CCDC88A: variants seen among roughly 807,000 people sequenced by gnomAD.
The protein encoded by CCDC88A is coiled-coil and HOOK domain protein 88A.
In CCDC88A, 54 loss-of-function variants were observed where a neutral mutation model predicts 234.3. The ratio of observed to expected loss-of-function variants is 0.23; its 90% CI spans 0.19 to 0.29. The LOEUF (loss-of-function observed/expected upper bound fraction) is 0.29. Among genes scored for constraint, CCDC88A ranks in the 10% least tolerant of loss-of-function variants. The pLI is 1.00. For synonymous variants in CCDC88A, 753 were observed against 737.8 expected, an observed-to-expected ratio of 1.02 and a Z score of -0.33; for missense variants, 1,832 against 2,123.4, an observed-to-expected ratio of 0.86 and a Z score of 2.70.
intron 11 of CCDC88A, 156 bp from the exon 12 acceptor site, chr2:55,343,948 C>A (rs1462959802): frequency 1.7e-6 from 1 of 597,108 alleles, no homozygotes; most frequent in Non-Finnish European, 2.8e-6. Context: ...ATAATTATTA[C>A]CGGTCATTAT....
At chr2:55,299,367 T>C (rs1279590266) in intron 29 of CCDC88A, among the ~76,000 whole-genome samples, 1 of 152,194 alleles carries the variant, frequency 6.6e-6, no homozygotes, top group Non-Finnish European at 1.5e-5. Flanking sequence ...ATGAGCCAAA[T>C]GCATTCATAT....
intron 2 of CCDC88A, among the ~76,000 whole-genome samples, chr2:55,392,988 C>T (rs184966004): frequency 9.9e-5 from 15 of 151,904 alleles, no homozygotes; most frequent in South Asian, 4.2e-4. Context: ...TTTTCTATAC[C>T]GTCTTCATTA....
intron 2 of CCDC88A, among the ~76,000 whole-genome samples, chr2:55,396,642 G>A (rs1020362146): frequency 2.0e-5 from 3 of 151,956 alleles, no homozygotes; most frequent in East Asian, 1.9e-4. Flanking sequence ...AGGCTGAGGC[G>A]GGCAGATCAC....
chr2:55,352,861 T>C (rs1333826389), intron 8 of CCDC88A, among the ~76,000 whole-genome samples: 1 of 152,200 alleles, frequency 6.6e-6, no homozygotes, highest in Non-Finnish European at 1.5e-5. Flanking sequence ...ATTGTATAGT[T>C]TCCATTTGGT....
intron 12 of CCDC88A, chr2:55,340,314 C>T (rs965060552): frequency 6.6e-5 from 10 of 152,128 alleles, no homozygotes; most frequent in African/African-American, 1.4e-4. Flanking sequence ...AGAGAATTTC[C>T]GGGTCTGCTT....
chr2:55,414,912 A>G (rs1574536401), intron 2 of CCDC88A, among the ~76,000 whole-genome samples: 1 of 151,848 alleles, frequency 6.6e-6, no homozygotes, highest in Non-Finnish European at 1.5e-5. Context: ...AAAAAAATAC[A>G]AAAAATTAGC....
rs993559011 is a variant in CCDC88A at position 55,317,147 on chromosome 2, A to G, written c.3746+59T>C. ...ATTTTGAAAAAACATATATATACAC[A>G]TATATATGTATATACTTTCTATATA... On this transcript the variant is annotated intron_variant, in intron 21 of 32. Coordinates refer to ENST00000436346, the MANE Select transcript of CCDC88A (RefSeq NM_001365480.1). The surrounding 1 kb of genome is among the most constrained non-coding windows in gnomAD (Gnocchi z 4.2). The G allele has an allele frequency of 4.4e-6, 3 of 677,182 alleles. No individual in the cohort carries two copies. The highest frequency in any genetic ancestry group is 6.4e-6 in the Non-Finnish European group (3 of 469,012). The allele number at this position is 677,182 out of a possible 1,614,324, so 41.9% of individuals were successfully genotyped here.
chr2:55,319,125 C>G (rs560094441), intron 18 of CCDC88A, 121 bp from the exon 19 acceptor site: 51 of 752,184 alleles, frequency 6.8e-5, no homozygotes, highest in Non-Finnish European at 9.2e-5. Flanking sequence ...ATAAAAGCCC[C>G]AACAATCTTA....
At position 55,358,775 on chromosome 2, in the gene CCDC88A, A is replaced by AG. The variant is rs141866903; in HGVS notation, c.628-3025dup. Among the ~76,000 whole-genome samples the AG allele has an allele frequency of 4.9e-4, 73 of 148,982 alleles. 1 individual carries two copies. Among genetic ancestry groups the AG allele is most frequent in the African/African-American group, 1.1e-3 (45 of 40,364 alleles). On this transcript the variant is annotated intron_variant, in intron 7 of 32. Coordinates refer to ENST00000436346, the MANE Select transcript of CCDC88A (RefSeq NM_001365480.1). ...AAAGATATACAAGTTTCTTCAACCC[A>AG]GGGAAAAAAAAAATCACAATCCCTT...
At chr2:55,305,715 T>G (rs1298266814) in intron 25 of CCDC88A, among the ~76,000 whole-genome samples, 1 of 152,092 alleles carries the variant, frequency 6.6e-6, no homozygotes, top group East Asian at 1.9e-4. Flanking sequence ...CAATTGTCAG[T>G]GCAGTGCTGT....
intron 25 of CCDC88A, among the ~76,000 whole-genome samples, chr2:55,303,676 C>T (rs569677423): frequency 4.5e-4 from 69 of 152,052 alleles, no homozygotes; most frequent in Admixed American, 3.6e-3. Flanking sequence ...CCACCACGCC[C>T]GGCCTGAGGA....
intron 2 of CCDC88A, among the ~76,000 whole-genome samples, chr2:55,402,123 G>A (rs1439845320): frequency 2.0e-5 from 3 of 151,942 alleles, no homozygotes; most frequent in African/African-American, 7.2e-5. Flanking sequence ...TTTTGTTTAT[G>A]TGGGTTATAA....
Position 55,414,553 on chromosome 2 carries a change from T to A in CCDC88A, c.164+4263A>T, listed in dbSNP as rs138862837. Among the ~76,000 whole-genome samples the A allele has an allele frequency of 2.0e-5, 3 of 152,232 alleles. No homozygotes were observed. In the East Asian group the frequency reaches 5.8e-4, roughly 29 times the overall value. ...CAAGTTCTAACAGAGATTATTTGCTTCAAAAAGCTACTCAATGAAATTCAG... is the reference window on the plus strand; with the variant it reads ...CAAGTTCTAACAGAGATTATTTGCTACAAAAAGCTACTCAATGAAATTCAG... On this transcript the variant is annotated intron_variant, in intron 2 of 32. Coordinates refer to ENST00000436346, the MANE Select transcript of CCDC88A (RefSeq NM_001365480.1).
At position 55,335,461 on chromosome 2, in the gene CCDC88A, T is replaced by A. The variant is rs1685369469; in HGVS notation, c.1657-297A>T. On this transcript the variant is annotated intron_variant, in intron 14 of 32. Coordinates refer to ENST00000436346, the MANE Select transcript of CCDC88A (RefSeq NM_001365480.1). This position sits in a 1 kb window ranked among gnomAD's most constrained non-coding sequence, Gnocchi z 4.5. ...CTATTAATCATAATGGTCTTCAGAT[T>A]ATTTACAGTTACATGCTTCAAATTC... 6.6e-6 allele frequency among the ~76,000 whole-genome samples: 1 copy of A among 152,220 alleles called. No individual in the cohort carries two copies. The highest frequency in any genetic ancestry group is 1.5e-5 in the Non-Finnish European group (1 of 68,032).
chr2:55,392,890 A>T (rs1409596430), intron 2 of CCDC88A, among the ~76,000 whole-genome samples: 1 of 152,194 alleles, frequency 6.6e-6, no homozygotes, highest in Non-Finnish European at 1.5e-5. Context: ...CTGTGTCATT[A>T]AAACCTTGTT....
intron 5 of CCDC88A, among the ~76,000 whole-genome samples, chr2:55,366,050 T>C (rs1671894907): frequency 6.6e-6 from 1 of 151,978 alleles, no homozygotes; most frequent in Non-Finnish European, 1.5e-5. Context: ...AACAGATATA[T>C]AGCTTAATAC....
chr2:55,375,536 G>GTA (rs1673539893), intron 3 of CCDC88A, among the ~76,000 whole-genome samples: 1 of 133,732 alleles, frequency 7.5e-6, no homozygotes, highest in Non-Finnish European at 1.6e-5. Context: ...AATATGTTGG[G>GTA]TTTTTTTTTG....
intron 2 of CCDC88A, among the ~76,000 whole-genome samples, chr2:55,416,604 T>C (rs934480131): frequency 2.0e-5 from 3 of 150,358 alleles, no homozygotes; most frequent in African/African-American, 4.9e-5. Flanking sequence ...GGAAAATATA[T>C]AAATAGTTTC....
rs1310780552 is a variant in CCDC88A at position 55,289,753 on chromosome 2, G to A, written c.*1447C>T. ...AACATTGCTACTGGCCTACGAAAGA[G>A]AGAGAGAAAGAGGGAGAGAGAAAGA... On this transcript the variant is annotated 3_prime_UTR_variant, in exon 33 of 33. Coordinates refer to ENST00000436346, the MANE Select transcript of CCDC88A (RefSeq NM_001365480.1). 2.5e-5 allele frequency: 3 copies of A among 118,364 alleles called. No homozygotes were observed. Among genetic ancestry groups the A allele is most frequent in the African/African-American group, 9.1e-5 (3 of 32,844 alleles). 7.3% of individuals were successfully genotyped at this position (118,364 alleles called of 1,614,324 possible). A position where few individuals can be genotyped will look rare whatever the true frequency, so the allele number is the denominator to read the frequency against.
Sources: gnomAD v4.1 joint callset for allele counts (sites outside exome capture counted in the v4.1 genomes callset) on GRCh38, gnomAD v4.1.1 for gene constraint, Gnocchi (gnomAD v3.1) non-coding constraint, MANE v1.5 for transcripts, NCBI Gene and HGNC (gene_info 2026-07-23, HGNC 2026-07-21) for gene names.